Variants in FAM117B observed in about 807,000 individuals in gnomAD.
The protein encoded by FAM117B is family with sequence similarity 117 member B, also known as protein FAM117B.
A neutral mutation model predicts 52.8 loss-of-function variants in FAM117B; 22 were observed. That is an observed-to-expected ratio of 0.42 (90% CI 0.30 to 0.59). The LOEUF is 0.59. Ranked by LOEUF, FAM117B falls within the 20% of genes least tolerant of loss-of-function variation. The probability of loss-of-function intolerance (pLI) is 0.22; values close to 1 mark genes in which losing one functional copy is unlikely to be tolerated. For missense variants in FAM117B, 678 were observed against 802.6 expected (o/e 0.84, Z 1.88); for synonymous variants, 309 against 324.1 (o/e 0.95, Z 0.50).
At chr2:202,748,857 T>C (rs1280145413) in intron 4 of FAM117B, among the ~76,000 whole-genome samples, 12 of 152,152 alleles carry the variant, frequency 7.9e-5, no homozygotes, top group Admixed American at 7.9e-4. Context: ...ATGTTTATCG[T>C]AGCCACTCTC....
intron 4 of FAM117B, among the ~76,000 whole-genome samples, chr2:202,737,701 A>C (rs544973524): frequency 2.4e-4 from 37 of 152,014 alleles, no homozygotes; most frequent in African/African-American, 8.4e-4. Flanking sequence ...TCTTGGGTTC[A>C]AGCGATTTTC....
intron 4 of FAM117B, among the ~76,000 whole-genome samples, chr2:202,742,180 C>A (rs1691553607): frequency 6.6e-6 from 1 of 152,074 alleles, no homozygotes; most frequent in Non-Finnish European, 1.5e-5. Context: ...AGAAAAGTTG[C>A]TACTAATAGA....
chr2:202,699,959 C>A (rs796841439), intron 2 of FAM117B, among the ~76,000 whole-genome samples: 24 of 152,220 alleles, frequency 1.6e-4, no homozygotes, highest in African/African-American at 5.8e-4. Flanking sequence ...GCTCAGTGAT[C>A]TTTGATGTTA....
intron 2 of FAM117B, among the ~76,000 whole-genome samples, chr2:202,715,198 C>T (rs987633202): frequency 2.3e-4 from 34 of 148,142 alleles, no homozygotes; most frequent in East Asian, 4.1e-4. Flanking sequence ...GTCGGCTGGC[C>T]GGGCGGGGGC....
At chr2:202,755,499 G>A (rs777307086) in intron 4 of FAM117B, 39 bp from the exon 5 acceptor site, 2 of 1,597,790 alleles carry the variant, frequency 1.3e-6, no homozygotes, top group Non-Finnish European at 1.7e-6. Context: ...AAATTAAAAG[G>A]TAATGTTAAG....
chr2:202,704,761 T>G (rs929164761), intron 2 of FAM117B, among the ~76,000 whole-genome samples: 1 of 151,834 alleles, frequency 6.6e-6, no homozygotes, highest in African/African-American at 2.4e-5. Context: ...CCGGCTAATA[T>G]ATATATATAT....
chr2:202,766,959 A>G lies in FAM117B; in HGVS notation c.*1195A>G, dbSNP rs1691990132. 1 of 152,546 alleles carries G rather than the reference A, an allele frequency of 6.6e-6. No individual in the cohort carries two copies. The highest frequency in any genetic ancestry group is 1.5e-5 in the Non-Finnish European group (1 of 68,034). 9.4% of individuals were successfully genotyped at this position (152,546 alleles called of 1,614,324 possible). The stretch of plus-strand genomic sequence containing the variant: ...TGGTTGGCCCTGAGATTTGTTGCCT[A>G]CAGATTTTGCTAATTTACCCCCCTA... On this transcript the variant is annotated 3_prime_UTR_variant, in exon 8 of 8. Transcript: ENST00000392238.
At chr2:202,757,762 G>C (rs1314048691) in intron 6 of FAM117B, among the ~76,000 whole-genome samples, 1 of 152,174 alleles carries the variant, frequency 6.6e-6, no homozygotes, top group Non-Finnish European at 1.5e-5. Context: ...TCTGTCACCT[G>C]ATAGTCATGA....
intron 1 of FAM117B, among the ~76,000 whole-genome samples, chr2:202,647,403 GTTTA>G (rs1312699811): frequency 7.9e-5 from 12 of 152,058 alleles, no homozygotes; most frequent in South Asian, 4.1e-4. Context: ...GAAAAAAACA[GTTTA>G]TTTATTTCAA....
rs563204180 is a variant in FAM117B at position 202,696,515 on chromosome 2, G to A, written c.753+483G>A. 9.8e-5 allele frequency among the ~76,000 whole-genome samples: 15 copies of A among 152,286 alleles called. No homozygotes were observed. In the South Asian group the frequency reaches 1.0e-3, roughly 11 times the overall value. ...CTGGTCCTCATGAGGCCCATGGGCC[G>A]CAGGTTTTGGACAAGCTTGGTTTAC... On this transcript the variant is annotated intron_variant, in intron 2 of 7. Coordinates refer to ENST00000392238, the MANE Select transcript of FAM117B (RefSeq NM_173511.4).
chr2:202,635,691 C>G lies in FAM117B; in HGVS notation c.504C>G (p.Ala168=). 1.4e-6 allele frequency: 2 copies of G among 1,418,978 alleles called. No individual in the cohort carries two copies. The highest frequency in any genetic ancestry group is 1.8e-6 in the Non-Finnish European group (2 of 1,087,350). 87.9% of individuals were successfully genotyped at this position (1,418,978 alleles called of 1,614,324 possible). The change falls in exon 1 of 8, where the codon GCC becomes GCG. Residue 168 remains alanine (A), a synonymous_variant. Transcript: ENST00000392238. The stretch of plus-strand genomic sequence containing the variant: ...TGTGGACCGGCGAGGTGAGCGCGGC[C>G]CCACCCCCAGCCCGCGTCCGGCATC... ...THLWTGEVSA[A]PPPARVRHRR...
chr2:202,755,505 T>G lies in FAM117B; in HGVS notation c.961-33T>G, dbSNP rs527336607. ...CAGCCTAGAAAATTAAAAGGTAATG[T>G]TAAGCCTCTCTTCTCCATCCCATTT... is the stretch of plus-strand genomic sequence containing the variant. On this transcript the variant is annotated intron_variant, in intron 4 of 7. Coordinates refer to ENST00000392238, the MANE Select transcript of FAM117B (RefSeq NM_173511.4). 5.0e-6 allele frequency: 8 copies of G among 1,608,942 alleles called. No individual in the cohort carries two copies. In the South Asian group the frequency reaches 8.9e-5, roughly 18 times the overall value.
Position 202,751,771 on chromosome 2 carries a change from C to CA in FAM117B, c.961-3744dup, listed in dbSNP as rs397868272. Among the ~76,000 whole-genome samples, 232 of 75,990 alleles carry CA rather than the reference C, an allele frequency of 3.1e-3. 1 individual carries two copies. Among genetic ancestry groups the CA allele is most frequent in the Middle Eastern group, 7.7e-3 (1 of 130 alleles). 49.9% of individuals were successfully genotyped at this position (75,990 alleles called of 152,430 possible). On this transcript the variant is annotated intron_variant, in intron 4 of 7. Coordinates refer to ENST00000392238, the MANE Select transcript of FAM117B (RefSeq NM_173511.4). ...TAGGAGACAGACCGAGACTCCATCT[C>CA]AAAAAAAAAAAAAAAAAAAAAAATA...
intron 4 of FAM117B, among the ~76,000 whole-genome samples, chr2:202,738,732 A>G (rs75653309): frequency 0.095 from 14,425 of 152,194 alleles, 775 homozygotes; most frequent in Middle Eastern, 0.19. Flanking sequence ...CATTTTTTCA[A>G]TGTAAAATGG....
chr2:202,648,780 GAGA>G (rs1187348022), intron 1 of FAM117B, among the ~76,000 whole-genome samples: 1 of 149,836 alleles, frequency 6.7e-6, no homozygotes, highest in Admixed American at 6.7e-5. Context: ...TATTTTTTTT[GAGA>G]AGAAGTCTTG....
In FAM117B at chr2:202,635,051, T is replaced by C; in HGVS notation, c.-137T>C. 2.7e-6 allele frequency: 3 copies of C among 1,127,538 alleles called. No individual in the cohort carries two copies. Among genetic ancestry groups the C allele is most frequent in the South Asian group, 3.4e-5 (1 of 28,994 alleles). 69.8% of individuals were successfully genotyped at this position (1,127,538 alleles called of 1,614,324 possible). Reference sequence around the variant, plus strand: ...CTCGTTGCTGCCTGCCCCGGCCCGGTCTCCCCCTGCACCCCGGAGTCCGGC... The same window carrying C: ...CTCGTTGCTGCCTGCCCCGGCCCGGCCTCCCCCTGCACCCCGGAGTCCGGC... On this transcript the variant is annotated 5_prime_UTR_variant, in exon 1 of 8. Coordinates refer to ENST00000392238, the MANE Select transcript of FAM117B (RefSeq NM_173511.4).
chr2:202,690,086 C>T (rs1690598512), intron 1 of FAM117B, among the ~76,000 whole-genome samples: 1 of 152,144 alleles, frequency 6.6e-6, no homozygotes, highest in African/African-American at 2.4e-5. Context: ...ACCCAGGAAC[C>T]AGTTGAACAG....
chr2:202,688,442 A>G (rs1454142126), intron 1 of FAM117B, among the ~76,000 whole-genome samples: 1 of 152,188 alleles, frequency 6.6e-6, no homozygotes, highest in African/African-American at 2.4e-5. Context: ...TAATTATATT[A>G]TACATACTCT....
chr2:202,725,065 A>G lies in FAM117B; in HGVS notation c.846+56A>G, dbSNP rs751906561. On this transcript the variant is annotated intron_variant, in intron 3 of 7. Transcript: ENST00000392238. ...TGGAAATATGATCCTTTTGTTGGCTATTTCCTTGATATTATGGGCAGCAAG... is the reference window on the plus strand; with the variant it reads ...TGGAAATATGATCCTTTTGTTGGCTGTTTCCTTGATATTATGGGCAGCAAG... 13 of 1,352,682 alleles carry G rather than the reference A, an allele frequency of 9.6e-6. 1 individual carries two copies. In the Admixed American group the frequency reaches 2.2e-4, roughly 23 times the overall value. 83.8% of individuals were successfully genotyped at this position (1,352,682 alleles called of 1,614,324 possible). A position where few individuals can be genotyped will look rare whatever the true frequency, so the allele number is the denominator to read the frequency against.
Sources: allele counts gnomAD v4.1 joint callset (sites outside exome capture counted in the v4.1 genomes callset), GRCh38; gene constraint gnomAD v4.1.1; transcripts MANE v1.5; gene names NCBI Gene and HGNC (gene_info 2026-07-23, HGNC 2026-07-21).